Variants in GPATCH8 observed in about 807,000 individuals in gnomAD.
The protein encoded by GPATCH8 is G-patch domain containing 8.
A neutral mutation model predicts 118.3 loss-of-function variants in GPATCH8; 18 were observed. The observed-to-expected ratio is 0.15, with a 90% CI of 0.11 to 0.23. GPATCH8 has a LOEUF of 0.23. Ranked by LOEUF, GPATCH8 falls within the 10% of genes least tolerant of loss-of-function variation. The probability of loss-of-function intolerance (pLI) is 1.00; values close to 1 mark genes in which losing one functional copy is unlikely to be tolerated. For missense variants in GPATCH8, 1,631 were observed against 1,873.8 expected (o/e 0.87, Z 2.39); for synonymous variants, 659 against 684.7 (o/e 0.96, Z 0.59).
intron 1 of GPATCH8, among the ~76,000 whole-genome samples, chr17:44,499,195 G>A (rs1359462657): frequency 6.6e-6 from 1 of 152,120 alleles, no homozygotes; most frequent in African/African-American, 2.4e-5. Flanking sequence ...GGCCAGGCGC[G>A]GTGGCTCAAG....
At chr17:44,432,170 T>A (rs1332398161) in intron 5 of GPATCH8, among the ~76,000 whole-genome samples, 1 of 151,016 alleles carries the variant, frequency 6.6e-6, no homozygotes, top group African/African-American at 2.4e-5. Flanking sequence ...AAGTGGAAGG[T>A]CTTTGATAAG....
Position 44,401,075 on chromosome 17 carries a change from G to C in GPATCH8, c.1002C>G (p.Pro334=), listed in dbSNP as rs751974281. The C allele has an allele frequency of 2.5e-6, 4 of 1,613,938 alleles. No homozygotes were observed. Among genetic ancestry groups the C allele is most frequent in the African/African-American group, 1.3e-5 (1 of 74,898 alleles). The stretch of plus-strand genomic sequence containing the variant: ...GTCCTTGGTCAGAACTCTTCTCATC[G>C]GGTTTTGTTCCATCTTCAGAGGTCC... ...EEGTSEDGTK[P]DEKSSDQGLQ... Residue 334 remains proline (P), a synonymous_variant, in exon 8 of 8, where the codon CCC becomes CCG. Coordinates refer to ENST00000591680, the MANE Select transcript of GPATCH8 (RefSeq NM_001002909.4).
rs1313357537 is a variant in GPATCH8, at chr17:44,396,685, T to C, written c.*883A>G. The C allele has an allele frequency of 2.2e-6, 1 of 445,054 alleles. No homozygotes were observed. The highest frequency in any genetic ancestry group is 2.5e-5 in the Admixed American group (1 of 40,090). 27.6% of individuals were successfully genotyped at this position (445,054 alleles called of 1,614,324 possible). Reference sequence around the variant, plus strand: ...CTTAAAGAGCTGGATGTAAAAAATATTATTGCAGTATACTACAAATATGGA... The same window carrying C: ...CTTAAAGAGCTGGATGTAAAAAATACTATTGCAGTATACTACAAATATGGA... On this transcript the variant is annotated 3_prime_UTR_variant, in exon 8 of 8. Transcript: ENST00000591680.
At chr17:44,435,491 G>A (rs1011274254) in intron 4 of GPATCH8, among the ~76,000 whole-genome samples, 1 of 131,670 alleles carries the variant, frequency 7.6e-6, no homozygotes, top group African/African-American at 2.8e-5. Flanking sequence ...TCCGCTCACT[G>A]CAACCTCTGC....
At position 44,398,492 on chromosome 17, in the gene GPATCH8, T is replaced by C. The variant is rs761409732; in HGVS notation, c.3585A>G (p.Ser1195=). Residue 1195 remains serine (S), a synonymous_variant, in exon 8 of 8, where the codon TCA becomes TCG. Coordinates refer to ENST00000591680, the MANE Select transcript of GPATCH8 (RefSeq NM_001002909.4). ...CTAATAAGGGGCCAGTTGTTTCCTC[T>C]GAAGGGAACTGATGCCCAAATAGGG... The part of the protein sequence containing the change: ...SDALFGHQFP[S]EETTGPLLDP... 30 of 1,606,300 alleles carry C rather than the reference T, an allele frequency of 1.9e-5. No homozygotes were observed. Among genetic ancestry groups the C allele is most frequent in the Non-Finnish European group, 2.4e-5 (28 of 1,176,138 alleles).
At chr17:44,434,996 C>G (rs1236524215) in intron 5 of GPATCH8, 69 bp downstream of exon 5, 2 of 795,436 alleles carry the variant, frequency 2.5e-6, no homozygotes, top group Non-Finnish European at 4.6e-6. Flanking sequence ...TGATTTTCAA[C>G]AAAATTTGAG....
chr17:44,421,233 C>A (rs901099288), intron 6 of GPATCH8, among the ~76,000 whole-genome samples: 40 of 151,692 alleles, frequency 2.6e-4, no homozygotes, highest in African/African-American at 8.9e-4. Flanking sequence ...TCCAGCTACT[C>A]TGGGGGCTGA....
chr17:44,418,817 A>G lies in GPATCH8; in HGVS notation c.492+5532T>C, dbSNP rs79299492. Among the ~76,000 whole-genome samples, 271 of 152,306 alleles carry G rather than the reference A, an allele frequency of 1.8e-3. 1 individual carries two copies. The highest frequency in any genetic ancestry group is 6.0e-3 in the African/African-American group (249 of 41,566). On this transcript the variant is annotated intron_variant, in intron 6 of 7. Coordinates refer to ENST00000591680, the MANE Select transcript of GPATCH8 (RefSeq NM_001002909.4). Reference sequence around the variant, plus strand: ...ATTAACTCATGTAAAAAGGAATCATATATTGGATTTCTTCAGAAATGGAAA... The same window carrying G: ...ATTAACTCATGTAAAAAGGAATCATGTATTGGATTTCTTCAGAAATGGAAA...
chr17:44,433,362 G>A (rs2050386586), intron 5 of GPATCH8, among the ~76,000 whole-genome samples: 1 of 152,080 alleles, frequency 6.6e-6, no homozygotes, highest in South Asian at 2.1e-4. Context: ...GAGTACTTAT[G>A]CACCACACAC....
intron 1 of GPATCH8, among the ~76,000 whole-genome samples, chr17:44,500,624 T>C (rs531553996): frequency 2.3e-4 from 35 of 152,214 alleles, no homozygotes; most frequent in African/African-American, 8.2e-4. Flanking sequence ...CGGTAAAGAG[T>C]GAAGTTCTAC....
Position 44,400,880 on chromosome 17 carries a change from T to C in GPATCH8, c.1197A>G (p.Pro399=), listed in dbSNP as rs775236353. ...AATTAGGTTTTACTTTGCAGTGTGC[T>C]GGGGGGATGTAGTGGTAATACTCAG... ...TEPEYYHYIP[P]AHCKVKPNFP... is the part of the protein sequence containing the mutation. Residue 399 remains proline, a synonymous_variant, in exon 8 of 8, where the codon CCA becomes CCG. Coordinates refer to ENST00000591680, the MANE Select transcript of GPATCH8 (RefSeq NM_001002909.4). 3 of 1,613,980 alleles carry C rather than the reference T, an allele frequency of 1.9e-6. No homozygotes were observed. The highest frequency in any genetic ancestry group is 2.5e-6 in the Non-Finnish European group (3 of 1,179,816).
rs2048768156 is a variant in GPATCH8, at chr17:44,396,046, A to T, written c.*1522T>A. 1 of 454,400 alleles carries T rather than the reference A, an allele frequency of 2.2e-6. No individual in the cohort carries two copies. Among genetic ancestry groups the T allele is most frequent in the Non-Finnish European group, 4.4e-6 (1 of 226,788 alleles). The allele number at this position is 454,400 out of a possible 1,614,324, so 28.1% of individuals were successfully genotyped here. ...CAGAGGGCATGGAAACTATGAAGCA[A>T]AATATCTGTAAATGTGCTCACCTCC... On this transcript the variant is annotated 3_prime_UTR_variant, in exon 8 of 8. Transcript: ENST00000591680.
intron 2 of GPATCH8, among the ~76,000 whole-genome samples, chr17:44,471,232 T>G (rs1259404185): frequency 1.3e-5 from 2 of 152,208 alleles, no homozygotes; most frequent in Admixed American, 1.3e-4. Context: ...AATACTGGAT[T>G]TTGATATATT....
At chr17:44,463,801 G>C (rs1425955443) in intron 3 of GPATCH8, among the ~76,000 whole-genome samples, 1 of 152,234 alleles carries the variant, frequency 6.6e-6, no homozygotes, top group Non-Finnish European at 1.5e-5. Context: ...GGAGAACTCA[G>C]AAGCTGAAAT....
chr17:44,483,540 C>T (rs1353281898), intron 1 of GPATCH8, among the ~76,000 whole-genome samples: 1 of 151,456 alleles, frequency 6.6e-6, no homozygotes, highest in African/African-American at 2.4e-5. Flanking sequence ...TGAGCCACCG[C>T]GACTGGCCGA....
intron 3 of GPATCH8, among the ~76,000 whole-genome samples, chr17:44,462,985 T>TAAATAA (rs2051619772): frequency 6.7e-6 from 1 of 149,528 alleles, no homozygotes; most frequent in Non-Finnish European, 1.5e-5. Context: ...CACTTCAAAA[T>TAAATAA]ATAAATAAAT....
intron 1 of GPATCH8, among the ~76,000 whole-genome samples, chr17:44,475,867 A>C (rs1373105597): frequency 6.6e-6 from 1 of 152,116 alleles, no homozygotes; most frequent in Non-Finnish European, 1.5e-5. Flanking sequence ...TTCTACAAAA[A>C]AAAATTTTTT....
intron 6 of GPATCH8, chr17:44,408,999 A>C (rs990777948): frequency 2.6e-5 from 4 of 152,116 alleles, no homozygotes; most frequent in Admixed American, 2.0e-4. Context: ...AACCATCTCA[A>C]ACTGAGTATG....
Position 44,399,591 on chromosome 17 carries a change from T to A in GPATCH8, c.2486A>T (p.His829Leu). 1 of 1,614,202 alleles carries A rather than the reference T, an allele frequency of 6.2e-7. No individual in the cohort carries two copies. The highest frequency in any genetic ancestry group is 1.3e-5 in the African/African-American group (1 of 75,066). The change falls in exon 8 of 8, where the codon CAC becomes CTC. Residue 829 changes from histidine (H) to leucine (L), a missense_variant. Coordinates refer to ENST00000591680, the MANE Select transcript of GPATCH8 (RefSeq NM_001002909.4). ...DSDDASSHRL[H>L]QKSPSQYSEE... The stretch of plus-strand genomic sequence containing the variant: ...ACTGTACTGGGATGGAGACTTCTGG[T>A]GCAGCCGGTGTGAGGAAGCATCATC...
Sources: gnomAD v4.1 joint callset for allele counts (sites outside exome capture counted in the v4.1 genomes callset) on GRCh38, gnomAD v4.1.1 for gene constraint, MANE v1.5 for transcripts, NCBI Gene and HGNC (gene_info 2026-07-23, HGNC 2026-07-21) for gene names.